The following NRDE2 variants were observed in gnomAD, a reference collection of about 807,000 sequenced individuals.
NRDE2 encodes nuclear exosome regulator NRDE2.
Under a neutral mutation model 124.2 loss-of-function variants are expected in NRDE2, and 76 were observed. The ratio of observed to expected loss-of-function variants is 0.61; its 90% CI spans 0.51 to 0.74. NRDE2 has a LOEUF of 0.74. NRDE2 is among the 30% of genes least tolerant of loss of function. The probability of loss-of-function intolerance (pLI) is 0.00; values close to 1 mark genes in which losing one functional copy is unlikely to be tolerated. For synonymous variants in NRDE2, 489 were observed against 528.1 expected (o/e 0.93, Z 1.01); for missense variants, 1,314 against 1,417.3 (o/e 0.93, Z 1.17).
intron 1 of NRDE2, among the ~76,000 whole-genome samples, chr14:90,327,288 G>A (rs1885474795): frequency 6.6e-6 from 1 of 152,252 alleles, no homozygotes; most frequent in African/African-American, 2.4e-5. Context: ...GATGGCTCAT[G>A]CCTGTAATCC....
intron 3 of NRDE2, 149 bp downstream of exon 3, chr14:90,316,429 C>A: frequency 3.3e-6 from 2 of 600,366 alleles, no homozygotes; most frequent in Non-Finnish European, 5.9e-6. Context: ...CCTAATTTTT[C>A]TCCTTCTCTT....
intron 4 of NRDE2, among the ~76,000 whole-genome samples, chr14:90,309,798 C>T (rs1000470168): frequency 6.6e-6 from 1 of 152,200 alleles, no homozygotes. Context: ...TGGACATTAA[C>T]AGTTATATAG....
intron 10 of NRDE2, among the ~76,000 whole-genome samples, chr14:90,289,868 G>T (rs944053225): frequency 6.6e-6 from 1 of 152,212 alleles, no homozygotes; most frequent in Non-Finnish European, 1.5e-5. Context: ...GATTACAGGC[G>T]TGAGCCACCG....
intron 1 of NRDE2, among the ~76,000 whole-genome samples, chr14:90,321,670 G>T (rs535411985): frequency 6.6e-6 from 1 of 152,042 alleles, no homozygotes; most frequent in Non-Finnish European, 1.5e-5. Flanking sequence ...GGAGCAAAAG[G>T]TATTTTCATC....
At position 90,286,426 on chromosome 14, in the gene NRDE2, C is replaced by A; in HGVS notation, c.3225G>T (p.Leu1075=). 6.2e-7 allele frequency: 1 copy of A among 1,614,220 alleles called. No homozygotes were observed. The highest frequency in any genetic ancestry group is 8.5e-7 in the Non-Finnish European group (1 of 1,180,022). Residue 1075 remains leucine, a synonymous_variant, in exon 12 of 14, where the codon CTG becomes CTT. Coordinates refer to ENST00000354366, the MANE Select transcript of NRDE2 (RefSeq NM_017970.4). The stretch of plus-strand genomic sequence containing the variant: ...TGTCGCTGCGCATGGCATTTTCAAA[C>A]AGGGCTTGGATCCGATGCATTAAGC... The part of the protein sequence containing the change: ...ETGLMHRIQA[L]FENAMRSDSG...
intron 1 of NRDE2, among the ~76,000 whole-genome samples, chr14:90,319,919 C>T (rs889170587): frequency 2.0e-5 from 3 of 152,204 alleles, no homozygotes; most frequent in Non-Finnish European, 2.9e-5. Context: ...TCCAAAGTAG[C>T]TGTACCATTT....
chr14:90,279,179 G>A, intron 12 of NRDE2, 46 bp from the exon 13 acceptor site: 1 of 1,467,474 alleles, frequency 6.8e-7, no homozygotes, highest in Non-Finnish European at 9.6e-7. Flanking sequence ...TTGACACAGA[G>A]AGGCTAAGGC....
intron 1 of NRDE2, among the ~76,000 whole-genome samples, chr14:90,325,308 G>T (rs1337922485): frequency 6.6e-6 from 1 of 152,024 alleles, no homozygotes; most frequent in African/African-American, 2.4e-5. Flanking sequence ...TCAAATATTT[G>T]ATTCCCAAGC....
intron 13 of NRDE2, 74 bp downstream of exon 13, chr14:90,278,988 G>A (rs1566680308): frequency 1.9e-6 from 2 of 1,065,892 alleles, no homozygotes; most frequent in East Asian, 4.7e-5. Context: ...GGCAGGCCGG[G>A]AAGACACTAG....
chr14:90,304,185 G>A lies in NRDE2; in HGVS notation c.755C>T (p.Ser252Phe). Residue 252 changes from serine (S) to phenylalanine (F), a missense_variant, in exon 5 of 14, where the codon TCC (serine) becomes TTC (phenylalanine). By Grantham distance (155) the Ser-to-Phe change is radical. Transcript: ENST00000354366. ...TTCCAAGTCCTTCACTGGTATAAAG[G>A]AGATGGGCTCAGATGAGGGAGGTTC... ...KTEPPSSEPI[S>F]FIPVKDLEDA... 1 of 1,614,214 alleles carries A rather than the reference G, an allele frequency of 6.2e-7. No individual in the cohort carries two copies. Among genetic ancestry groups the A allele is most frequent in the Non-Finnish European group, 8.5e-7 (1 of 1,180,044 alleles).
In NRDE2 at chr14:90,288,605, C is replaced by T. The variant is rs753303080; in HGVS notation, c.2770G>A (p.Val924Met). 2 of 1,614,168 alleles carry T rather than the reference C, an allele frequency of 1.2e-6. No homozygotes were observed. Among genetic ancestry groups the T allele is most frequent in the Non-Finnish European group, 8.5e-7 (1 of 1,180,046 alleles). The change falls in exon 11 of 14, where the codon GTG (valine) becomes ATG (methionine). Residue 924 changes from valine to methionine, a missense_variant. Coordinates refer to ENST00000354366, the MANE Select transcript of NRDE2 (RefSeq NM_017970.4). ...QYLTIGIDAA[V>M]QIYEQVFAKL... ...GCAAACACCTGTTCGTATATCTGCA[C>T]AGCAGCATCAATCCCTATGGTCAAA...
At chr14:90,326,955 T>C (rs1190951890) in intron 1 of NRDE2, among the ~76,000 whole-genome samples, 1 of 152,154 alleles carries the variant, frequency 6.6e-6, no homozygotes, top group Non-Finnish European at 1.5e-5. Flanking sequence ...AATTTAAAAA[T>C]TAAATCAAAG....
In NRDE2 at chr14:90,269,091, T is replaced by C; in HGVS notation, c.*9245A>G. The C allele has an allele frequency of 8.1e-6, 2 of 248,382 alleles. No individual in the cohort carries two copies. Among genetic ancestry groups the C allele is most frequent in the South Asian group, 9.9e-5 (1 of 10,140 alleles). The allele number at this position is 248,382 out of a possible 1,614,324, so 15.4% of individuals were successfully genotyped here. A position where few individuals can be genotyped will look rare whatever the true frequency, so the allele number is the denominator to read the frequency against. On this transcript the variant is annotated 3_prime_UTR_variant, in exon 14 of 14. Transcript: ENST00000354366. The stretch of plus-strand genomic sequence containing the variant: ...GGAATACATGCTGTATAAGGCCTTT[T>C]TCTCTTTTTAGAAGGAACTCATGCT...
chr14:90,273,866 C>T lies in NRDE2; in HGVS notation c.*4470G>A, dbSNP rs1009026574. 1.3e-5 allele frequency: 2 copies of T among 154,964 alleles called. No individual in the cohort carries two copies. The highest frequency in any genetic ancestry group is 2.9e-5 in the Non-Finnish European group (2 of 68,384). 9.6% of individuals were successfully genotyped at this position (154,964 alleles called of 1,614,324 possible). On this transcript the variant is annotated 3_prime_UTR_variant, in exon 14 of 14. Coordinates refer to ENST00000354366, the MANE Select transcript of NRDE2 (RefSeq NM_017970.4). ...TCCACCAGCAGCAGCAGGCCCAGTC[C>T]CTCTCTCCCACCGACCCTTCTTTCT...
At position 90,285,882 on chromosome 14, in the gene NRDE2, G is replaced by A. The variant is rs187425559; in HGVS notation, c.3297+472C>T. Among the ~76,000 whole-genome samples, 11 of 152,158 alleles carry A rather than the reference G, an allele frequency of 7.2e-5. No individual in the cohort carries two copies. The East Asian group carries it at 1.9e-3, about 27-fold the overall frequency. Reference sequence around the variant, plus strand: ...ACTCCTGGGCTCAGACGATTTTCCCGCCTTGGCCTCCGAAAGTGCTGGGAC... The same window carrying A: ...ACTCCTGGGCTCAGACGATTTTCCCACCTTGGCCTCCGAAAGTGCTGGGAC... On this transcript the variant is annotated intron_variant, in intron 12 of 13. Coordinates refer to ENST00000354366, the MANE Select transcript of NRDE2 (RefSeq NM_017970.4).
At chr14:90,305,774 A>G (rs1412424882) in intron 4 of NRDE2, among the ~76,000 whole-genome samples, 1 of 152,208 alleles carries the variant, frequency 6.6e-6, no homozygotes, top group Admixed American at 6.5e-5. Flanking sequence ...CCTCTGGGAG[A>G]ATGGGGTACA....
chr14:90,313,480 G>A (rs2139702637), intron 3 of NRDE2, among the ~76,000 whole-genome samples: 1 of 152,096 alleles, frequency 6.6e-6, no homozygotes, highest in South Asian at 2.1e-4. Context: ...TATACATCTG[G>A]ACCTCGTAAA....
chr14:90,317,273 T>C (rs562400321), intron 2 of NRDE2, among the ~76,000 whole-genome samples: 98 of 151,996 alleles, frequency 6.4e-4, no homozygotes, highest in African/African-American at 2.3e-3. Context: ...AATAATAATT[T>C]TCAAAAAAAA....
intron 1 of NRDE2, among the ~76,000 whole-genome samples, chr14:90,326,624 T>C (rs116821260): frequency 0.018 from 2,729 of 152,162 alleles, 70 homozygotes; most frequent in African/African-American, 0.061. Context: ...AAGTGACAGG[T>C]TGGAGAAACA....
Sources: gnomAD v4.1 joint callset for allele counts (sites outside exome capture counted in the v4.1 genomes callset) on GRCh38, gnomAD v4.1.1 for gene constraint, MANE v1.5 for transcripts, NCBI Gene and HGNC (gene_info 2026-07-23, HGNC 2026-07-21) for gene names.